Variants in FMO4 observed in about 807,000 individuals in gnomAD.
FMO4 encodes the protein dimethylaniline monooxygenase [N-oxide-forming] 4.
A neutral mutation model predicts 43.3 loss-of-function variants in FMO4; 38 were observed. That is an observed-to-expected ratio of 0.88 (90% CI 0.68 to 1.15). FMO4 has a LOEUF of 1.15. Among genes scored for constraint, FMO4 ranks in the 50% most tolerant of loss-of-function variants. The pLI is 0.00. For missense variants in FMO4, 631 were observed against 663.3 expected (o/e 0.95, Z 0.54); for synonymous variants, 224 against 232.2 (o/e 0.96, Z 0.32).
intron 5 of FMO4, among the ~76,000 whole-genome samples, chr1:171,328,262 C>T (rs866428973): frequency 1.3e-5 from 2 of 152,028 alleles, no homozygotes; most frequent in Non-Finnish European, 2.9e-5. Flanking sequence ...AGGCTGGTCT[C>T]GAACTCCTGA....
chr1:171,314,625 C>T (rs1662122770), intron 1 of FMO4, among the ~76,000 whole-genome samples: 1 of 151,994 alleles, frequency 6.6e-6, no homozygotes, highest in Admixed American at 6.6e-5. Flanking sequence ...TGGACAGAAC[C>T]ATCCAAAAGG....
At chr1:171,331,578 C>A in intron 5 of FMO4, 62 bp from the exon 6 acceptor site, 1 of 1,526,196 alleles carries the variant, frequency 6.6e-7, no homozygotes, top group Non-Finnish European at 9.1e-7. Flanking sequence ...GACCCTATCC[C>A]TGCGTAGTGA....
intron 2 of FMO4, among the ~76,000 whole-genome samples, chr1:171,318,490 A>T (rs1025329111): frequency 3.9e-4 from 59 of 152,140 alleles, no homozygotes; most frequent in African/African-American, 9.2e-4. Context: ...ATTTCTATTT[A>T]AAAAAATTAA....
chr1:171,331,904 GAAA>G, intron 6 of FMO4, 122 bp downstream of exon 6: 1 of 665,524 alleles, frequency 1.5e-6, no homozygotes, highest in Non-Finnish European at 2.5e-6. Context: ...CAGTAAGTGG[GAAA>G]AAAAAAAAAC....
intron 9 of FMO4, 103 bp from the exon 10 acceptor site, chr1:171,341,310 C>G: frequency 1.2e-6 from 1 of 828,880 alleles, no homozygotes; most frequent in South Asian, 1.8e-5. Flanking sequence ...TGATTTCCCC[C>G]AAAAAATGTA....
chr1:171,315,390 C>T (rs2101868646), intron 1 of FMO4, among the ~76,000 whole-genome samples: 1 of 152,280 alleles, frequency 6.6e-6, no homozygotes, highest in Non-Finnish European at 1.5e-5. Flanking sequence ...TTCTCCCAAT[C>T]CTTCAAGCCT....
chr1:171,334,688 G>C lies in FMO4; in HGVS notation c.1105G>C (p.Gly369Arg), dbSNP rs144698111. 928 of 1,612,502 alleles carry C rather than the reference G, an allele frequency of 5.8e-4. No individual in the cohort carries two copies. Among genetic ancestry groups the C allele is most frequent in the Non-Finnish European group, 7.4e-4 (870 of 1,179,472 alleles). Residue 369 changes from glycine to arginine, a missense_variant, in exon 8 of 10, where the codon GGC becomes CGC. Gly to Arg is a moderately radical substitution (Grantham distance 125, BLOSUM62 -2). Transcript: ENST00000367749. ...AGAGAGAGCGACATTAGCCATCATC[G>C]GCCTTATCGGCCTTAAAGGATCCAT... ...NLERATLAII[G>R]LIGLKGSILS...
chr1:171,316,757 C>T (rs1008471927), intron 2 of FMO4, among the ~76,000 whole-genome samples: 6 of 152,170 alleles, frequency 3.9e-5, no homozygotes, highest in African/African-American at 1.4e-4. Context: ...GCAATCTCAG[C>T]CTTACAAAGG....
At chr1:171,318,608 G>A (rs567757918) in intron 2 of FMO4, among the ~76,000 whole-genome samples, 87 of 152,184 alleles carry the variant, frequency 5.7e-4, no homozygotes, top group African/African-American at 1.8e-3. Flanking sequence ...AAATACTCTA[G>A]TGAGCATTTC....
chr1:171,336,287 G>T (rs1663111498), intron 8 of FMO4, among the ~76,000 whole-genome samples: 2 of 152,064 alleles, frequency 1.3e-5, no homozygotes, highest in African/African-American at 4.8e-5. Context: ...TGGGGACAGA[G>T]TTTACATTAT....
rs532081996 is a variant in FMO4 at position 171,318,284 on chromosome 1, T to A, written c.-8-1534T>A. On this transcript the variant is annotated intron_variant, in intron 2 of 9. Transcript: ENST00000367749. ...GTGAGCTGAGATTGTGCCACTGCACTCCAGCCTGGGTGACAGAGCAAGACT... is the reference window on the plus strand; with the variant it reads ...GTGAGCTGAGATTGTGCCACTGCACACCAGCCTGGGTGACAGAGCAAGACT... Among the ~76,000 whole-genome samples, 23 of 151,626 alleles carry A rather than the reference T, an allele frequency of 1.5e-4. No homozygotes were observed. In the South Asian group the frequency reaches 4.8e-3, roughly 31 times the overall value.
intron 5 of FMO4, among the ~76,000 whole-genome samples, chr1:171,328,663 A>C (rs1332302051): frequency 6.6e-6 from 1 of 151,826 alleles, no homozygotes; most frequent in Non-Finnish European, 1.5e-5. Context: ...AAAAAAAAAA[A>C]AGTTCTTTGA....
chr1:171,332,732 T>C lies in FMO4; in HGVS notation c.651T>C (p.Gly217=), dbSNP rs1662953796. The part of the protein sequence containing the change: ...AAQVLLSTRT[G]TWVLGRSSDW... ...AGGTACTTCTCAGTACTAGAACTGG[T>C]ACCTGGGTTCTTGGGCGCTCTTCAG... Residue 217 remains glycine (G), a synonymous_variant, in exon 7 of 10, where the codon GGT becomes GGC. Coordinates refer to ENST00000367749, the MANE Select transcript of FMO4 (RefSeq NM_002022.3). 1 of 1,609,834 alleles carries C rather than the reference T, an allele frequency of 6.2e-7. No homozygotes were observed. Among genetic ancestry groups the C allele is most frequent in the Non-Finnish European group, 8.5e-7 (1 of 1,176,228 alleles).
intron 6 of FMO4, among the ~76,000 whole-genome samples, chr1:171,332,229 A>G (rs1662930228): frequency 6.6e-6 from 1 of 152,204 alleles, no homozygotes; most frequent in Non-Finnish European, 1.5e-5. Context: ...TTTGAGATGA[A>G]AGCAACTCTT....
chr1:171,331,685 A>T lies in FMO4; in HGVS notation c.530A>T (p.Lys177Met). 6.2e-7 allele frequency: 1 copy of T among 1,613,816 alleles called. No homozygotes were observed. The highest frequency in any genetic ancestry group is 8.5e-7 in the Non-Finnish European group (1 of 1,179,726). ...KGQILHSQEY[K>M]IPEGFQGKRV... is the part of the protein sequence containing the mutation. ...CAGATCCTGCATAGTCAAGAGTACAAGATCCCAGAAGGCTTTCAGGGCAAA... is the reference window on the plus strand; with the variant it reads ...CAGATCCTGCATAGTCAAGAGTACATGATCCCAGAAGGCTTTCAGGGCAAA... The change falls in exon 6 of 10, where the codon AAG (lysine) becomes ATG (methionine). Residue 177 changes from lysine to methionine, a missense_variant. Coordinates refer to ENST00000367749, the MANE Select transcript of FMO4 (RefSeq NM_002022.3).
intron 8 of FMO4, 32 bp downstream of exon 8, chr1:171,334,795 G>A: frequency 1.5e-6 from 2 of 1,329,002 alleles, no homozygotes; most frequent in Non-Finnish European, 2.1e-6. Flanking sequence ...TCCTCTCTTT[G>A]GATCGTAAAA....
intron 7 of FMO4, chr1:171,333,204 G>T (rs1031303671): frequency 5.7e-5 from 15 of 264,112 alleles, no homozygotes; most frequent in Middle Eastern, 1.3e-3. Context: ...TGTTGTTGGG[G>T]TTTTTTTGTG....
chr1:171,328,368 G>A (rs528405502), intron 5 of FMO4, among the ~76,000 whole-genome samples: 1 of 152,092 alleles, frequency 6.6e-6, no homozygotes, highest in South Asian at 2.1e-4. Context: ...TTGAGGATAT[G>A]GGTCGGGCGC....
chr1:171,324,020 A>G lies in FMO4; in HGVS notation c.322-118A>G, dbSNP rs937317719. 1.5e-5 allele frequency: 13 copies of G among 852,926 alleles called. No individual in the cohort carries two copies. In the African/African-American group the frequency reaches 2.2e-4, roughly 15 times the overall value. The allele number at this position is 852,926 out of a possible 1,614,324, so 52.8% of individuals were successfully genotyped here. A position where few individuals can be genotyped will look rare whatever the true frequency, so the allele number is the denominator to read the frequency against. On this transcript the variant is annotated intron_variant, in intron 4 of 9. Transcript: ENST00000367749. ...CTAGGAAGATGATAAATCAATATTA[A>G]TAGACCTCCTGTCATGGGACTTGGC...
Sources: allele counts gnomAD v4.1 joint callset (sites outside exome capture counted in the v4.1 genomes callset), GRCh38; gene constraint gnomAD v4.1.1; transcripts MANE v1.5; gene names NCBI Gene and HGNC (gene_info 2026-07-23, HGNC 2026-07-21).